The following GRID1 variants were observed in gnomAD, a reference collection of about 807,000 sequenced individuals.
GRID1 encodes the protein glutamate ionotropic receptor delta type subunit 1, also known as glutamate receptor ionotropic, delta-1.
A neutral mutation model predicts 98.0 loss-of-function variants in GRID1; 28 were observed. The observed-to-expected ratio is 0.29, with a 90% confidence interval of 0.21 to 0.39. The LOEUF is 0.39. GRID1 is among the 10% of genes least tolerant of loss of function. The pLI is 1.00. For synonymous variants in GRID1, 553 were observed against 538.5 expected (o/e 1.03, Z -0.37); for missense variants, 1,111 against 1,340.5 (o/e 0.83, Z 2.67).
At chr10:86,140,565 A>G in intron 3 of GRID1, among the ~76,000 whole-genome samples, 1 of 152,206 alleles carries the variant, frequency 6.6e-6, no homozygotes. Flanking sequence ...GGAACCAAGC[A>G]GCGCGAGGGA....
chr10:85,946,534 C>A (rs187769387), intron 4 of GRID1, among the ~76,000 whole-genome samples: 1 of 152,112 alleles, frequency 6.6e-6, no homozygotes, highest in Non-Finnish European at 1.5e-5. Flanking sequence ...ATAATTTATT[C>A]GGGAAAATAC....
chr10:85,805,793 T>G (rs897270638), intron 8 of GRID1, among the ~76,000 whole-genome samples: 18 of 151,964 alleles, frequency 1.2e-4, no homozygotes, highest in African/African-American at 4.1e-4. Flanking sequence ...AATAAATACC[T>G]TGATACCTCC....
intron 4 of GRID1, among the ~76,000 whole-genome samples, chr10:86,128,558 A>T (rs1366610236): frequency 1.3e-5 from 2 of 152,098 alleles, no homozygotes; most frequent in Non-Finnish European, 2.9e-5. Context: ...CACTGGGGAG[A>T]GGGAGAGGCC....
intron 5 of GRID1, among the ~76,000 whole-genome samples, chr10:85,899,982 A>C (rs1841356450): frequency 6.6e-6 from 1 of 152,202 alleles, no homozygotes; most frequent in Non-Finnish European, 1.5e-5. Context: ...GCCACCTCTA[A>C]GAGACAGCTG....
chr10:85,742,324 C>T lies in GRID1; in HGVS notation c.1234-12710G>A, dbSNP rs184705897. Among the ~76,000 whole-genome samples, 166 of 152,230 alleles carry T rather than the reference C, an allele frequency of 1.1e-3. 1 individual carries two copies. Among genetic ancestry groups the T allele is most frequent in the Non-Finnish European group, 1.8e-3 (124 of 68,000 alleles). On this transcript the variant is annotated intron_variant, in intron 8 of 15. Transcript: ENST00000327946. ...CATATGGTCTCTGTGGTCAACTACTCCACACATTGAGTAGTGGAGTTGGGT... is the reference window on the plus strand; with the variant it reads ...CATATGGTCTCTGTGGTCAACTACTTCACACATTGAGTAGTGGAGTTGGGT...
chr10:85,816,894 T>A (rs1488521918), intron 8 of GRID1, among the ~76,000 whole-genome samples: 3 of 152,094 alleles, frequency 2.0e-5, no homozygotes, highest in African/African-American at 4.8e-5. Context: ...AATCTGTTGT[T>A]CCCCTCCTAG....
At chr10:85,721,205 A>G (rs528306690) in intron 12 of GRID1, among the ~76,000 whole-genome samples, 4 of 152,234 alleles carry the variant, frequency 2.6e-5, no homozygotes, top group Non-Finnish European at 5.9e-5. Flanking sequence ...AAATGTCAGG[A>G]AAGATGCAGA....
At chr10:85,926,089 T>G (rs1841770651) in intron 4 of GRID1, among the ~76,000 whole-genome samples, 1 of 152,164 alleles carries the variant, frequency 6.6e-6, no homozygotes, top group East Asian at 1.9e-4. Flanking sequence ...TCTGGAGATA[T>G]AAGCTTCTTC....
chr10:85,913,378 G>A (rs975381349), intron 5 of GRID1, among the ~76,000 whole-genome samples: 3 of 152,220 alleles, frequency 2.0e-5, no homozygotes, highest in African/African-American at 4.8e-5. Flanking sequence ...AACCTCTGGA[G>A]ACTCTGTTTT....
At chr10:86,188,325 G>A (rs1372262695) in intron 3 of GRID1, among the ~76,000 whole-genome samples, 1 of 152,182 alleles carries the variant, frequency 6.6e-6, no homozygotes. Flanking sequence ...ATGCCAACAA[G>A]GGCTCAGGCT....
At chr10:85,762,198 T>C (rs983573592) in intron 8 of GRID1, among the ~76,000 whole-genome samples, 39 of 152,314 alleles carry the variant, frequency 2.6e-4, no homozygotes, top group Admixed American at 1.0e-3. Flanking sequence ...CTCCTGGGTG[T>C]GCACAGTGAT....
chr10:85,870,561 A>T (rs1398046534), intron 5 of GRID1, among the ~76,000 whole-genome samples: 2 of 152,210 alleles, frequency 1.3e-5, no homozygotes, highest in Non-Finnish European at 2.9e-5. Context: ...TCTGGCTAAC[A>T]AGTTCTGGAG....
chr10:86,127,499 C>T (rs1364980345), intron 4 of GRID1, among the ~76,000 whole-genome samples: 3 of 152,166 alleles, frequency 2.0e-5, no homozygotes, highest in Non-Finnish European at 4.4e-5. Context: ...TCACCCTGCT[C>T]CTGAAAAAGA....
chr10:86,186,102 A>G (rs555930196), intron 3 of GRID1, among the ~76,000 whole-genome samples: 123 of 152,346 alleles, frequency 8.1e-4, no homozygotes, highest in Non-Finnish European at 1.2e-3. Flanking sequence ...TAATCAGTAT[A>G]TGACCATTCA....
chr10:86,329,423 C>T lies in GRID1; in HGVS notation c.235+34518G>A, dbSNP rs79001895. Among the ~76,000 whole-genome samples, 560 of 152,300 alleles carry T rather than the reference C, an allele frequency of 3.7e-3. 4 individuals carry two copies. The highest frequency in any genetic ancestry group is 0.013 in the African/African-American group (526 of 41,558). ...GTTACTGGGTGAATACCCCAATATG[C>T]CTCCATGGAAGCCAGGAGGAAGGGG... On this transcript the variant is annotated intron_variant, in intron 2 of 15. Coordinates refer to ENST00000327946, the MANE Select transcript of GRID1 (RefSeq NM_017551.3).
intron 5 of GRID1, among the ~76,000 whole-genome samples, chr10:85,905,048 A>T (rs1186708513): frequency 6.6e-6 from 1 of 152,130 alleles, no homozygotes; most frequent in Non-Finnish European, 1.5e-5. Flanking sequence ...CACAAAAATA[A>T]AAACAAGAAG....
intron 2 of GRID1, among the ~76,000 whole-genome samples, chr10:86,278,822 C>A (rs138049270): frequency 2.7e-4 from 41 of 152,314 alleles, no homozygotes; most frequent in Middle Eastern, 6.8e-3. Context: ...GATGGCCTCA[C>A]TGATGAATTC....
chr10:86,319,173 G>A (rs1847936886), intron 2 of GRID1, among the ~76,000 whole-genome samples: 1 of 152,132 alleles, frequency 6.6e-6, no homozygotes, highest in African/African-American at 2.4e-5. Context: ...GGGAGAAAGG[G>A]AGTAGATGAG....
intron 8 of GRID1, among the ~76,000 whole-genome samples, chr10:85,787,470 T>G (rs967757255): frequency 6.6e-6 from 1 of 152,116 alleles, no homozygotes; most frequent in African/African-American, 2.4e-5. Flanking sequence ...CTGCTGGATT[T>G]GAAAAATGTA....
Sources: gnomAD v4.1 joint callset for allele counts (sites outside exome capture counted in the v4.1 genomes callset) on GRCh38, gnomAD v4.1.1 for gene constraint, MANE v1.5 for transcripts, NCBI Gene and HGNC (gene_info 2026-07-23, HGNC 2026-07-21) for gene names.